The following LRBA variants were observed in gnomAD, a reference collection of about 807,000 sequenced individuals.
The protein encoded by LRBA is LPS responsive beige-like anchor protein, also known as lipopolysaccharide-responsive and beige-like anchor protein.
A neutral mutation model predicts 330.0 loss-of-function variants in LRBA; 176 were observed. The observed-to-expected ratio is 0.53, with a 90% CI of 0.47 to 0.60. The LOEUF (loss-of-function observed/expected upper bound fraction) is 0.60. Ranked by LOEUF, LRBA falls within the 20% of genes least tolerant of loss-of-function variation. The probability of loss-of-function intolerance (pLI) is 0.00; values close to 1 mark genes in which losing one functional copy is unlikely to be tolerated. For synonymous variants in LRBA, 1,230 were observed against 1,193.0 expected (o/e 1.03, Z -0.64); for missense variants, 3,259 against 3,444.8 (o/e 0.95, Z 1.35).
intron 46 of LRBA, among the ~76,000 whole-genome samples, chr4:150,430,133 A>G (rs1750178836): frequency 6.6e-6 from 1 of 152,136 alleles, no homozygotes; most frequent in Non-Finnish European, 1.5e-5. Context: ...ATCAATCACC[A>G]AATCTTAACA....
intron 46 of LRBA, among the ~76,000 whole-genome samples, chr4:150,434,638 G>T (rs557766768): frequency 6.6e-6 from 1 of 151,936 alleles, no homozygotes; most frequent in Non-Finnish European, 1.5e-5. Context: ...GGAAGATCGC[G>T]TAAGACAGTT....
intron 33 of LRBA, among the ~76,000 whole-genome samples, chr4:150,804,794 A>C (rs1311098942): frequency 6.6e-6 from 1 of 152,142 alleles, no homozygotes; most frequent in Non-Finnish European, 1.5e-5. Flanking sequence ...ATTTATAAAA[A>C]GCCCTGTAGC....
intron 48 of LRBA, among the ~76,000 whole-genome samples, chr4:150,345,730 A>G (rs143819747): frequency 6.6e-5 from 10 of 152,326 alleles, no homozygotes; most frequent in Middle Eastern, 3.4e-3. Context: ...TGTTCATTCT[A>G]TTATATCAAA....
At chr4:150,360,787 A>G (rs1236985912) in intron 47 of LRBA, among the ~76,000 whole-genome samples, 1 of 152,228 alleles carries the variant, frequency 6.6e-6, no homozygotes, top group Non-Finnish European at 1.5e-5. Flanking sequence ...GAAATGTAAC[A>G]TCTTCAAGTG....
In LRBA at chr4:150,587,981, C is replaced by G. The variant is rs145061306; in HGVS notation, c.6330+67G>C. 1,874 of 1,531,740 alleles carry G rather than the reference C, an allele frequency of 1.2e-3. 26 individuals are homozygous for G. The African/African-American group carries it at 0.023, about 19-fold the overall frequency. The allele number at this position is 1,531,740 out of a possible 1,614,324, so 94.9% of individuals were successfully genotyped here. A position where few individuals can be genotyped will look rare whatever the true frequency, so the allele number is the denominator to read the frequency against. Reference sequence around the variant, plus strand: ...AACTAAGCCTGTCAGATTTACCAATCCCAATCCTATCCAACAGCACCCACC... The same window carrying G: ...AACTAAGCCTGTCAGATTTACCAATGCCAATCCTATCCAACAGCACCCACC... On this transcript the variant is annotated intron_variant, in intron 40 of 56. Transcript: ENST00000651943.
intron 31 of LRBA, among the ~76,000 whole-genome samples, chr4:150,815,025 C>T (rs192805511): frequency 4.3e-4 from 66 of 151,974 alleles, no homozygotes; most frequent in Admixed American, 4.3e-3. Context: ...AAAGAATAGA[C>T]TTAAAAGCAA....
At chr4:150,932,815 C>A (rs900601323) in intron 2 of LRBA, among the ~76,000 whole-genome samples, 1 of 151,920 alleles carries the variant, frequency 6.6e-6, no homozygotes, top group African/African-American at 2.4e-5. Context: ...ACTTGGGAGG[C>A]TGAGACACAA....
chr4:150,868,860 C>T (rs1753069999), intron 20 of LRBA, among the ~76,000 whole-genome samples: 1 of 152,066 alleles, frequency 6.6e-6, no homozygotes, highest in South Asian at 2.1e-4. Context: ...ATCGCTTGAA[C>T]CCAGGAGGCA....
intron 36 of LRBA, among the ~76,000 whole-genome samples, chr4:150,684,450 A>G (rs1783346790): frequency 6.6e-6 from 1 of 152,106 alleles, no homozygotes; most frequent in East Asian, 1.9e-4. Context: ...CCCCAAATCT[A>G]TTCATTTTGT....
rs771291209 is a variant in LRBA at position 150,893,685 on chromosome 4, T to A, written c.2068-536A>T. ...TCTTTGTTTTTTTGTTTTTTGTTTT[T>A]TGTTTTTTGAGACAGAGTCTTGCTG... On this transcript the variant is annotated intron_variant, in intron 16 of 56. Coordinates refer to ENST00000651943, the MANE Select transcript of LRBA (RefSeq NM_001364905.1). Among the ~76,000 whole-genome samples the A allele has an allele frequency of 1.4e-4, 22 of 152,168 alleles. No individual in the cohort carries two copies. The Middle Eastern group carries it at 0.01, about 71-fold the overall frequency.
rs1468706104 is a variant in LRBA, at chr4:150,893,135, C to T, written c.2082G>A (p.Met694Ile). The change falls in exon 17 of 57, where the codon ATG becomes ATA. Residue 694 changes from methionine to isoleucine, a missense_variant. Met to Ile is a conservative substitution (Grantham distance 10). Coordinates refer to ENST00000651943, the MANE Select transcript of LRBA (RefSeq NM_001364905.1). ...LLTMHEDDNLMDVLQLLVALM... is the reference protein window; with the variant it reads ...LLTMHEDDNLIDVLQLLVALM... ...ATGCAACAAGCAGCTGTAGGACATCCATTAGATTGTCATCCTATAATCATT... is the reference window on the plus strand; with the variant it reads ...ATGCAACAAGCAGCTGTAGGACATCTATTAGATTGTCATCCTATAATCATT... 4.4e-6 allele frequency: 7 copies of T among 1,603,258 alleles called. No individual in the cohort carries two copies. Among genetic ancestry groups the T allele is most frequent in the African/African-American group, 1.3e-5 (1 of 74,542 alleles).
At chr4:150,989,902 TGGCTTAA>T (rs2049331884) in intron 2 of LRBA, among the ~76,000 whole-genome samples, 1 of 151,814 alleles carries the variant, frequency 6.6e-6, no homozygotes. Context: ...GGTGGGATAA[TGGCTTAA>T]GGCCAGGAGT....
chr4:150,428,026 C>G (rs1018222179), intron 46 of LRBA, among the ~76,000 whole-genome samples: 1 of 151,922 alleles, frequency 6.6e-6, no homozygotes, highest in African/African-American at 2.4e-5. Context: ...TCTCACAAGC[C>G]ACAAAACTAT....
rs191789931 is a variant in LRBA at position 150,980,710 on chromosome 4, A to G, written c.216+33717T>C. 2.0e-5 allele frequency among the ~76,000 whole-genome samples: 3 copies of G among 152,330 alleles called. No individual in the cohort carries two copies. The East Asian group carries it at 5.8e-4, about 29-fold the overall frequency. On this transcript the variant is annotated intron_variant, in intron 2 of 56. Transcript: ENST00000651943. ...AAGAAGTTAAATTTCCCTTGTTTGC[A>G]TATGATATGATCTTATATTTGGAAA...
chr4:150,627,083 T>C (rs1350641949), intron 37 of LRBA, among the ~76,000 whole-genome samples: 1 of 152,050 alleles, frequency 6.6e-6, no homozygotes, highest in African/African-American at 2.4e-5. Context: ...CAACATCTCA[T>C]ATTAGCCTTA....
chr4:150,864,022 C>A (rs1185716346), intron 22 of LRBA, among the ~76,000 whole-genome samples: 1 of 151,916 alleles, frequency 6.6e-6, no homozygotes, highest in Non-Finnish European at 1.5e-5. Flanking sequence ...CACTGCAACT[C>A]CACCTCCTGG....
At chr4:150,358,659 A>G (rs540839834) in intron 47 of LRBA, among the ~76,000 whole-genome samples, 1 of 152,308 alleles carries the variant, frequency 6.6e-6, no homozygotes, top group Admixed American at 6.5e-5. Context: ...TAAAGTGGTC[A>G]ATTATCCACC....
intron 40 of LRBA, among the ~76,000 whole-genome samples, chr4:150,497,502 CTTAAA>C (rs1185736307): frequency 6.6e-6 from 1 of 152,076 alleles, no homozygotes; most frequent in Non-Finnish European, 1.5e-5. Flanking sequence ...AAAATTACCT[CTTAAA>C]TTAATCATGT....
At chr4:150,984,119 C>G (rs1259045714) in intron 2 of LRBA, among the ~76,000 whole-genome samples, 1 of 152,150 alleles carries the variant, frequency 6.6e-6, no homozygotes, top group Non-Finnish European at 1.5e-5. Context: ...CACAAAGAAC[C>G]ACACTACGGC....
Sources: gnomAD v4.1 joint callset for allele counts (sites outside exome capture counted in the v4.1 genomes callset) on GRCh38, gnomAD v4.1.1 for gene constraint, MANE v1.5 for transcripts, NCBI Gene and HGNC (gene_info 2026-07-23, HGNC 2026-07-21) for gene names.